KLF7: variants seen among roughly 807,000 people sequenced by gnomAD.
The protein encoded by KLF7 is KLF transcription factor 7, also known as Krueppel-like factor 7.
In KLF7, 2 loss-of-function variants were observed where a neutral mutation model predicts 27.3. The observed-to-expected ratio is 0.07, with a 90% confidence interval of 0.03 to 0.23. The LOEUF (loss-of-function observed/expected upper bound fraction) is 0.23, where lower values mean the gene tolerates loss of function less well. KLF7 is among the 10% of genes least tolerant of loss of function. The pLI, the probability that KLF7 is intolerant of heterozygous loss-of-function variation, is 1.00. For missense variants in KLF7, 221 were observed against 394.1 expected, an observed-to-expected ratio of 0.56 and a Z score of 3.72; for synonymous variants, 165 against 162.4, an observed-to-expected ratio of 1.02 and a Z score of -0.12.
intron 1 of KLF7, among the ~76,000 whole-genome samples, chr2:207,160,586 G>C (rs975329576): frequency 8.2e-6 from 1 of 122,594 alleles, no homozygotes; most frequent in Non-Finnish European, 1.9e-5. Flanking sequence ...AGAGGAAATT[G>C]TATTCTTCTT....
upstream of KLF7, chr2:207,167,396 G>A (rs1032197670): frequency 3.3e-6 from 1 of 305,036 alleles, no homozygotes; most frequent in Non-Finnish European, 6.0e-6. Context: ...TAAGAGATGA[G>A]AAACTTCGTT....
chr2:207,090,659 G>C (rs573381992), intron 2 of KLF7, among the ~76,000 whole-genome samples: 2 of 152,204 alleles, frequency 1.3e-5, no homozygotes, highest in East Asian at 3.9e-4. Flanking sequence ...AGACATGCTG[G>C]GTATCTGAAA....
chr2:207,168,461 G>A (rs2078760547), upstream of KLF7, among the ~76,000 whole-genome samples: 3 of 152,314 alleles, frequency 2.0e-5, no homozygotes, highest in South Asian at 4.1e-4. Flanking sequence ...ACCTGGAAGT[G>A]GTCAAGCAGG....
intron 2 of KLF7, among the ~76,000 whole-genome samples, chr2:207,095,606 C>A (rs966145954): frequency 2.6e-5 from 4 of 152,118 alleles, no homozygotes; most frequent in African/African-American, 9.7e-5. Context: ...TGAAATGTTG[C>A]TGAGGTAACT....
chr2:207,091,180 G>T (rs1379815861), intron 2 of KLF7, among the ~76,000 whole-genome samples: 1 of 152,158 alleles, frequency 6.6e-6, no homozygotes, highest in Non-Finnish European at 1.5e-5. Context: ...GACGTCTTTG[G>T]ATATTTTTTC....
At chr2:207,168,257 T>TCGGTTAA (rs2078758150), upstream of KLF7, among the ~76,000 whole-genome samples, 1 of 152,222 alleles carries the variant, frequency 6.6e-6, no homozygotes, top group Non-Finnish European at 1.5e-5. Flanking sequence ...ATAGGACATA[T>TCGGTTAA]CGGTTAACGT....
chr2:207,117,005 T>C (rs1300580746), intron 2 of KLF7, among the ~76,000 whole-genome samples: 1 of 152,172 alleles, frequency 6.6e-6, no homozygotes, highest in Non-Finnish European at 1.5e-5. Flanking sequence ...GTATGTACAG[T>C]GGGTGTTCGA....
At chr2:207,150,611 G>C (rs1020108039) in intron 1 of KLF7, among the ~76,000 whole-genome samples, 14 of 152,190 alleles carry the variant, frequency 9.2e-5, no homozygotes, top group African/African-American at 3.4e-4. Context: ...CATAAGCCCT[G>C]CACTTCATAT....
chr2:207,147,080 C>A (rs2078116499), intron 1 of KLF7, among the ~76,000 whole-genome samples: 1 of 152,148 alleles, frequency 6.6e-6, no homozygotes, highest in Non-Finnish European at 1.5e-5. Flanking sequence ...TGTCTGGTTC[C>A]TATACCTATC....
At chr2:207,149,217 A>T in intron 1 of KLF7, 2 of 1,232,236 alleles carry the variant, frequency 1.6e-6, no homozygotes, top group Non-Finnish European at 2.1e-6. Flanking sequence ...AGAAAAAATT[A>T]AAAATCTGTT....
rs573616645 is a variant in KLF7 at position 207,104,031 on chromosome 2, G to A, written c.734-15450C>T. On this transcript the variant is annotated intron_variant, in intron 2 of 3. Coordinates refer to ENST00000309446, the MANE Select transcript of KLF7 (RefSeq NM_003709.4). Reference sequence around the variant, plus strand: ...AGATGTTAGGAGCAGACCACCTCCAGAGGCTGGTGTTTCATTCAACCATCA... The same window carrying A: ...AGATGTTAGGAGCAGACCACCTCCAAAGGCTGGTGTTTCATTCAACCATCA... Among the ~76,000 whole-genome samples, 9 of 152,326 alleles carry A rather than the reference G, an allele frequency of 5.9e-5. No individual in the cohort carries two copies. In the East Asian group the frequency reaches 1.7e-3, roughly 29 times the overall value.
intron 2 of KLF7, among the ~76,000 whole-genome samples, chr2:207,093,005 T>C (rs997497833): frequency 6.6e-6 from 1 of 152,212 alleles, no homozygotes; most frequent in Non-Finnish European, 1.5e-5. Flanking sequence ...TCACTGGTCT[T>C]AGGCCTTCCA....
intron 2 of KLF7, among the ~76,000 whole-genome samples, chr2:207,112,090 T>C (rs560570815): frequency 1.1e-4 from 17 of 151,250 alleles, no homozygotes; most frequent in African/African-American, 3.9e-4. Context: ...AGTCAGAATA[T>C]AAAACTTGTC....
intron 1 of KLF7, among the ~76,000 whole-genome samples, chr2:207,150,612 C>T (rs918985359): frequency 2.6e-5 from 4 of 152,202 alleles, no homozygotes; most frequent in African/African-American, 9.7e-5. Context: ...ATAAGCCCTG[C>T]ACTTCATATG....
At chr2:207,104,482 A>T (rs1035073856) in intron 2 of KLF7, among the ~76,000 whole-genome samples, 1 of 152,252 alleles carries the variant, frequency 6.6e-6, no homozygotes, top group African/African-American at 2.4e-5. Flanking sequence ...AGGGTTTTTT[A>T]AATCCAAGTA....
intron 2 of KLF7, among the ~76,000 whole-genome samples, chr2:207,089,884 G>T (rs553246335): frequency 2.0e-5 from 3 of 152,290 alleles, no homozygotes; most frequent in African/African-American, 7.2e-5. Flanking sequence ...AGGTGCCAAA[G>T]TACTATGGCA....
At chr2:207,150,086 C>T (rs1424680921) in intron 1 of KLF7, among the ~76,000 whole-genome samples, 1 of 152,152 alleles carries the variant, frequency 6.6e-6, no homozygotes, top group Non-Finnish European at 1.5e-5. Context: ...TCCCTGAATA[C>T]CACTACCACC....
chr2:207,077,595 C>CA lies in KLF7; in HGVS notation c.*3617dup, dbSNP rs1475089529. 1 of 152,124 alleles carries CA rather than the reference C, an allele frequency of 6.6e-6. No homozygotes were observed. Among genetic ancestry groups the CA allele is most frequent in the Non-Finnish European group, 1.5e-5 (1 of 68,034 alleles). 9.4% of individuals were successfully genotyped at this position (152,124 alleles called of 1,614,324 possible). ...CATTTTGGGGTCTCCAATATTTTTA[C>CA]AAAAATGCAGCTTTGTCATGGAATC... is the stretch of plus-strand genomic sequence containing the variant. On this transcript the variant is annotated 3_prime_UTR_variant, in exon 4 of 4. Transcript: ENST00000309446.
At chr2:207,113,422 T>C (rs2077088038) in intron 2 of KLF7, among the ~76,000 whole-genome samples, 1 of 152,136 alleles carries the variant, frequency 6.6e-6, no homozygotes, top group African/African-American at 2.4e-5. Context: ...GTGCCAGACA[T>C]TGTGTAGAAT....
Sources: allele counts gnomAD v4.1 joint callset (sites outside exome capture counted in the v4.1 genomes callset), GRCh38; gene constraint gnomAD v4.1.1; transcripts MANE v1.5; gene names NCBI Gene and HGNC (gene_info 2026-07-23, HGNC 2026-07-21).